Variants in LOC400499 observed in about 807,000 individuals in gnomAD.
At chr16:11,386,848 C>T in the LOC400499 span, among the ~76,000 whole-genome samples, 3 of 152,248 alleles carry the variant, frequency 2.0e-5, no homozygotes, top group African/African-American at 7.2e-5. Context: ...ATCTGGAGGG[C>T]TGCCGTCTTC....
chr16:11,407,480 G>C, the LOC400499 span: 25 of 395,656 alleles, frequency 6.3e-5, no homozygotes, highest in East Asian at 8.9e-4. Context: ...ACAACTCCCT[G>C]GGCTGGATGA....
the LOC400499 span, among the ~76,000 whole-genome samples, chr16:11,500,003 G>C: frequency 6.6e-6 from 1 of 152,198 alleles, no homozygotes; most frequent in African/African-American, 2.4e-5. Flanking sequence ...AGGGTTAAAT[G>C]AGACCTCCAC....
chr16:11,430,128 C>T, the LOC400499 span, among the ~76,000 whole-genome samples: 14 of 152,110 alleles, frequency 9.2e-5, no homozygotes, highest in African/African-American at 2.4e-4. Flanking sequence ...AAGCAGGCAT[C>T]GGGAAGTGTC....
At chr16:11,503,115 G>C in the LOC400499 span, among the ~76,000 whole-genome samples, 4 of 144,852 alleles carry the variant, frequency 2.8e-5, no homozygotes, top group South Asian at 6.4e-4. Flanking sequence ...ATAGAGATGA[G>C]GTTTCACCAT....
the LOC400499 span, among the ~76,000 whole-genome samples, chr16:11,500,511 A>AAATAATAATAATAATAATAAT: frequency 0.041 from 5,944 of 143,776 alleles, 157 homozygotes; most frequent in Non-Finnish European, 0.046. Flanking sequence ...ACTCCGTCCT[A>AAATAATAATAATAATAATAAT]AATAATAATA....
At chr16:11,470,075 G>C in the LOC400499 span, among the ~76,000 whole-genome samples, 5 of 151,724 alleles carry the variant, frequency 3.3e-5, no homozygotes, top group Non-Finnish European at 4.4e-5. Context: ...GTTTTTTTTT[G>C]TTGTTGTTGT....
the LOC400499 span, among the ~76,000 whole-genome samples, chr16:11,499,583 G>A: frequency 6.6e-6 from 1 of 152,106 alleles, no homozygotes. Flanking sequence ...CTCAAACCCT[G>A]CGGTCAGGGG....
the LOC400499 span, among the ~76,000 whole-genome samples, chr16:11,526,834 G>C: frequency 6.6e-6 from 1 of 152,282 alleles, no homozygotes; most frequent in Non-Finnish European, 1.5e-5. Flanking sequence ...CCAGAAGGCA[G>C]CATTTTCTCA....
the LOC400499 span, among the ~76,000 whole-genome samples, chr16:11,382,941 T>TGATG: frequency 6.6e-6 from 1 of 151,874 alleles, no homozygotes; most frequent in Admixed American, 6.6e-5. Context: ...AGTTCATAAA[T>TGATG]GAGATAATTG....
the LOC400499 span, among the ~76,000 whole-genome samples, chr16:11,518,162 G>A: frequency 1.3e-5 from 2 of 152,322 alleles, no homozygotes; most frequent in Admixed American, 6.5e-5. Context: ...CCCCTTGGAG[G>A]AGACCCTCCC....
the LOC400499 span, among the ~76,000 whole-genome samples, chr16:11,376,465 C>T: frequency 6.6e-6 from 1 of 152,014 alleles, no homozygotes; most frequent in Non-Finnish European, 1.5e-5. Context: ...TTCCCCAATT[C>T]AATAGTCTTG....
chr16:11,439,576 C>T, the LOC400499 span: 53 of 399,116 alleles, frequency 1.3e-4, 1 homozygote, highest in African/African-American at 9.4e-4. Flanking sequence ...TCAGCTGGAC[C>T]GAGGCCTGTT....
the LOC400499 span, among the ~76,000 whole-genome samples, chr16:11,418,697 C>T: frequency 6.6e-6 from 1 of 152,236 alleles, no homozygotes; most frequent in Non-Finnish European, 1.5e-5. Context: ...TGTTCACATC[C>T]CATTCCTGTG....
At chr16:11,475,784 A>T in the LOC400499 span, 1 of 396,702 alleles carries the variant, frequency 2.5e-6, no homozygotes, top group African/African-American at 2.1e-5. Context: ...TAACACCTTG[A>T]GCTGCCAGAG....
chr16:11,500,876 G>C, the LOC400499 span: 14 of 398,998 alleles, frequency 3.5e-5, no homozygotes, highest in African/African-American at 8.2e-5. Context: ...CCTCCACCTC[G>C]TCTGCCTCCA....
At chr16:11,487,623 C>G in the LOC400499 span, among the ~76,000 whole-genome samples, 2 of 152,202 alleles carry the variant, frequency 1.3e-5, no homozygotes, top group Non-Finnish European at 2.9e-5. Flanking sequence ...GAGCACCCGA[C>G]CCCCAACCCC....
chr16:11,383,835 C>G, the LOC400499 span: 8 of 1,232,234 alleles, frequency 6.5e-6, no homozygotes, highest in Admixed American at 1.3e-4. Context: ...GGGACCTAAG[C>G]TTGATGAGAC....
At chr16:11,457,672 T>TC in the LOC400499 span, among the ~76,000 whole-genome samples, 213 of 151,850 alleles carry the variant, frequency 1.4e-3, no homozygotes, top group Admixed American at 3.6e-3. Context: ...ACAAAAGAAT[T>TC]GAAAGCAATA....
At chr16:11,418,994 C>T in the LOC400499 span, among the ~76,000 whole-genome samples, 7 of 152,070 alleles carry the variant, frequency 4.6e-5, no homozygotes, top group African/African-American at 7.2e-5. Flanking sequence ...GGCAAAACCC[C>T]GTCTCTACTA....
Sources: gnomAD v4.1 joint callset for allele counts (sites outside exome capture counted in the v4.1 genomes callset) on GRCh38, gnomAD v4.1.1 for gene constraint, MANE v1.5 for transcripts.